Variants in EYA4 observed in about 807,000 individuals in gnomAD.
EYA4 encodes the protein EYA transcriptional coactivator and phosphatase 4, also known as protein phosphatase EYA4.
Under a neutral mutation model 87.9 loss-of-function variants are expected in EYA4, and 31 were observed. The observed-to-expected ratio is 0.35, with a 90% CI of 0.27 to 0.48. The LOEUF (loss-of-function observed/expected upper bound fraction) is 0.48, where lower values mean the gene tolerates loss of function less well. Ranked by LOEUF, EYA4 falls within the 20% of genes least tolerant of loss-of-function variation. EYA4 has a pLI of 0.99. For synonymous variants in EYA4, 263 were observed against 270.6 expected, an observed-to-expected ratio of 0.97 and a Z score of 0.28; for missense variants, 678 against 761.4, an observed-to-expected ratio of 0.89 and a Z score of 1.29.
chr6:133,526,066 C>A, intron 19 of EYA4: 1 of 241,504 alleles, frequency 4.1e-6, no homozygotes, highest in Non-Finnish European at 6.7e-6. Context: ...GAAACCAAGG[C>A]AATTAAAAAC....
intron 3 of EYA4, among the ~76,000 whole-genome samples, chr6:133,387,467 T>A (rs1364689505): frequency 6.6e-6 from 1 of 152,174 alleles, no homozygotes; most frequent in Non-Finnish European, 1.5e-5. Context: ...ACCTGGAAGG[T>A]TGGAATATAG....
chr6:133,309,193 TA>T (rs1780032357), intron 2 of EYA4, among the ~76,000 whole-genome samples: 1 of 138,522 alleles, frequency 7.2e-6, no homozygotes, highest in Admixed American at 7.4e-5. Context: ...ACTTTAAATA[TA>T]TTTTTTATTA....
chr6:133,508,069 A>G (rs1397477625), intron 14 of EYA4, among the ~76,000 whole-genome samples: 1 of 152,188 alleles, frequency 6.6e-6, no homozygotes, highest in African/African-American at 2.4e-5. Flanking sequence ...CATGAGAGTA[A>G]AAATGAGTGG....
At chr6:133,447,976 A>T (rs1288719296) in intron 4 of EYA4, 135 bp from the exon 5 acceptor site, 1 of 708,178 alleles carries the variant, frequency 1.4e-6, no homozygotes, top group Non-Finnish European at 2.6e-6. Flanking sequence ...GACCTGATAA[A>T]CTAAAATGTT....
At chr6:133,287,834 C>A (rs375189) in intron 2 of EYA4, among the ~76,000 whole-genome samples, 117,790 of 152,232 alleles carry the variant, frequency 0.77, 46,615 homozygotes, top group African/African-American at 0.94. Flanking sequence ...ACATGAACTC[C>A]GAAAGGCTTA....
intron 3 of EYA4, among the ~76,000 whole-genome samples, chr6:133,430,544 G>C (rs1288446139): frequency 6.6e-6 from 1 of 152,096 alleles, no homozygotes; most frequent in African/African-American, 2.4e-5. Context: ...AAAAATATTA[G>C]AGATTCTCCA....
At chr6:133,448,001 C>T (rs1793024591) in intron 4 of EYA4, 110 bp from the exon 5 acceptor site, 2 of 768,070 alleles carry the variant, frequency 2.6e-6, no homozygotes, top group Admixed American at 2.0e-5. Flanking sequence ...TCATACAGTG[C>T]AGTTATAATT....
At position 133,530,990 on chromosome 6, in the gene EYA4, T is replaced by G. The variant is rs1159165893; in HGVS notation, c.*2185T>G. 7.8e-7 allele frequency: 1 copy of G among 1,285,036 alleles called. No homozygotes were observed. Among genetic ancestry groups the G allele is most frequent in the African/African-American group, 1.5e-5 (1 of 66,432 alleles). 79.6% of individuals were successfully genotyped at this position (1,285,036 alleles called of 1,614,324 possible). A position where few individuals can be genotyped will look rare whatever the true frequency, so the allele number is the denominator to read the frequency against. On this transcript the variant is annotated 3_prime_UTR_variant, in exon 20 of 20. Coordinates refer to ENST00000355286, the MANE Select transcript of EYA4 (RefSeq NM_004100.5). ...ATTTATTACTGTGAATAAAAACAAA[T>G]TATCTTTACTGTATAGCTGGTTTCT...
At chr6:133,444,476 G>T (rs1792603555) in intron 3 of EYA4, among the ~76,000 whole-genome samples, 7 of 152,106 alleles carry the variant, frequency 4.6e-5, no homozygotes, top group Admixed American at 3.3e-4. Flanking sequence ...GTTTATTTGG[G>T]TTGTGCTGTC....
intron 1 of EYA4, chr6:133,248,927 C>G (rs1774656883): frequency 6.6e-6 from 1 of 151,036 alleles, no homozygotes; most frequent in Non-Finnish European, 1.5e-5. Context: ...GATGATGGTA[C>G]TGTTATTTTT....
At position 133,256,339 on chromosome 6, in the gene EYA4, A is replaced by AT. The variant is rs893440557; in HGVS notation, c.-66+14599dup. Among the ~76,000 whole-genome samples, 20 of 150,860 alleles carry AT rather than the reference A, an allele frequency of 1.3e-4. No homozygotes were observed. In the East Asian group the frequency reaches 1.5e-3, roughly 12 times the overall value. On this transcript the variant is annotated intron_variant, in intron 1 of 19. Transcript: ENST00000355286. ...AAATCAGTAATATTATATTCACTAC[A>AT]TTTTTTTTTACTTAGTACCATCAAA...
intron 1 of EYA4, among the ~76,000 whole-genome samples, chr6:133,266,584 A>T (rs1317337839): frequency 6.6e-6 from 1 of 152,182 alleles, no homozygotes; most frequent in Non-Finnish European, 1.5e-5. Flanking sequence ...TTTTAAGTAT[A>T]TTTTATTATT....
At chr6:133,271,137 T>A (rs1390201977) in intron 1 of EYA4, among the ~76,000 whole-genome samples, 1 of 152,154 alleles carries the variant, frequency 6.6e-6, no homozygotes, top group Non-Finnish European at 1.5e-5. Flanking sequence ...CGTGAACCCG[T>A]GAATCCTGGC....
chr6:133,431,710 A>G (rs926125372), intron 3 of EYA4, among the ~76,000 whole-genome samples: 1 of 152,250 alleles, frequency 6.6e-6, no homozygotes, highest in South Asian at 2.1e-4. Flanking sequence ...TTGTAAAGAA[A>G]GAATTATATG....
At chr6:133,496,381 C>A (rs1432066847) in intron 13 of EYA4, among the ~76,000 whole-genome samples, 2 of 152,118 alleles carry the variant, frequency 1.3e-5, no homozygotes, top group Non-Finnish European at 2.9e-5. Flanking sequence ...GCCAGAGATT[C>A]CTCTACACAC....
chr6:133,485,050 T>C (rs991706569), intron 13 of EYA4, among the ~76,000 whole-genome samples: 51 of 152,194 alleles, frequency 3.4e-4, no homozygotes, highest in African/African-American at 1.1e-3. Flanking sequence ...AAAAATACCA[T>C]AGAGTAATGA....
chr6:133,290,156 G>A (rs1778371454), intron 2 of EYA4, among the ~76,000 whole-genome samples: 2 of 152,062 alleles, frequency 1.3e-5, no homozygotes, highest in Non-Finnish European at 2.9e-5. Context: ...TTCTCATGAC[G>A]ATTTGATGAG....
At chr6:133,298,221 A>G (rs149603604) in intron 2 of EYA4, among the ~76,000 whole-genome samples, 94 of 152,312 alleles carry the variant, frequency 6.2e-4, no homozygotes, top group African/African-American at 2.1e-3. Context: ...GCTGTGCTTC[A>G]CTAAAGTCTT....
At chr6:133,482,690 G>A (rs1336574516) in intron 12 of EYA4, among the ~76,000 whole-genome samples, 1 of 152,150 alleles carries the variant, frequency 6.6e-6, no homozygotes, top group Non-Finnish European at 1.5e-5. Flanking sequence ...AAAAGTTTAT[G>A]AATCCCTAAG....
Sources: allele counts gnomAD v4.1 joint callset (sites outside exome capture counted in the v4.1 genomes callset), GRCh38; gene constraint gnomAD v4.1.1; transcripts MANE v1.5; gene names NCBI Gene and HGNC (gene_info 2026-07-23, HGNC 2026-07-21).